Variants in FHIT observed in about 807,000 individuals in gnomAD.
FHIT encodes fragile histidine triad diadenosine triphosphatase.
In FHIT, 19 loss-of-function variants were observed where a neutral mutation model predicts 17.9. That is an observed-to-expected ratio of 1.06 (90% CI 0.74 to 1.56). The LOEUF (loss-of-function observed/expected upper bound fraction) is 1.56, where lower values mean the gene tolerates loss of function less well. FHIT is among the 40% of genes most tolerant of loss of function. FHIT has a pLI of 0.00. For synonymous variants in FHIT, 81 were observed against 69.7 expected (o/e 1.16, Z -0.81); for missense variants, 248 against 189.2 (o/e 1.31, Z -1.82).
intron 5 of FHIT, among the ~76,000 whole-genome samples, chr3:60,027,481 C>T (rs1368639935): frequency 6.6e-6 from 1 of 152,112 alleles, no homozygotes; most frequent in Non-Finnish European, 1.5e-5. Context: ...TCACCATTGT[C>T]ACTGTCTTTA....
chr3:61,033,324 T>A (rs186769668), intron 3 of FHIT, among the ~76,000 whole-genome samples: 26 of 152,262 alleles, frequency 1.7e-4, no homozygotes, highest in African/African-American at 6.3e-4. Flanking sequence ...TACTGTCCAA[T>A]ATAGTAGCCA....
chr3:60,584,301 C>A (rs1353421066), intron 4 of FHIT, among the ~76,000 whole-genome samples: 1 of 151,840 alleles, frequency 6.6e-6, no homozygotes, highest in Non-Finnish European at 1.5e-5. Context: ...CTTTTTTTCC[C>A]CTCTGAGAGC....
chr3:61,249,014 T>C (rs1334349991), intron 1 of FHIT, among the ~76,000 whole-genome samples: 1 of 152,196 alleles, frequency 6.6e-6, no homozygotes, highest in East Asian at 1.9e-4. Flanking sequence ...GATGACCATA[T>C]AAAGAAGCTC....
chr3:59,844,437 T>C (rs1701642704), intron 8 of FHIT, among the ~76,000 whole-genome samples: 2 of 152,098 alleles, frequency 1.3e-5, no homozygotes, highest in Admixed American at 1.3e-4. Flanking sequence ...GTTTTTTATA[T>C]GTGGCTCTTA....
intron 5 of FHIT, among the ~76,000 whole-genome samples, chr3:60,287,837 C>A (rs1231236422): frequency 6.6e-6 from 1 of 152,080 alleles, no homozygotes; most frequent in Non-Finnish European, 1.5e-5. Flanking sequence ...TCCCATCCAG[C>A]CTCTTTCATT....
intron 5 of FHIT, among the ~76,000 whole-genome samples, chr3:60,195,401 T>C (rs1011997080): frequency 6.6e-6 from 1 of 151,626 alleles, no homozygotes; most frequent in African/African-American, 2.4e-5. Context: ...GCGATCCCAA[T>C]ACTGGGTTTC....
At chr3:60,395,341 C>T (rs537919635) in intron 5 of FHIT, among the ~76,000 whole-genome samples, 2 of 152,220 alleles carry the variant, frequency 1.3e-5, no homozygotes, top group South Asian at 2.1e-4. Context: ...TGATTATCTC[C>T]CCATTTTATA....
intron 5 of FHIT, among the ~76,000 whole-genome samples, chr3:60,442,847 T>A (rs1175089115): frequency 6.6e-6 from 1 of 152,148 alleles, no homozygotes; most frequent in Non-Finnish European, 1.5e-5. Flanking sequence ...GCATTGAATC[T>A]GTAAATTACC....
chr3:60,246,355 C>G (rs1459402049), intron 5 of FHIT, among the ~76,000 whole-genome samples: 4 of 151,920 alleles, frequency 2.6e-5, no homozygotes, highest in African/African-American at 9.7e-5. Context: ...ATTAAAATGG[C>G]AGAAGAGAAA....
Position 60,246,265 on chromosome 3 carries a change from T to C in FHIT, c.104-232113A>G, listed in dbSNP as rs540310239. On this transcript the variant is annotated intron_variant, in intron 5 of 9. Transcript: ENST00000492590. ...AAAAAGTCTACCTCCAGCAAATATA[T>C]ATAGAGAGTTATCTTTGAAGGAGGA... Among the ~76,000 whole-genome samples the C allele has an allele frequency of 5.9e-5, 9 of 152,194 alleles. No individual in the cohort carries two copies. In the East Asian group the frequency reaches 1.2e-3, roughly 20 times the overall value.
chr3:61,015,807 T>C (rs1212438587), intron 3 of FHIT, among the ~76,000 whole-genome samples: 2 of 152,184 alleles, frequency 1.3e-5, no homozygotes, highest in Non-Finnish European at 1.5e-5. Flanking sequence ...TTTACTTTTT[T>C]ACTTGAGGGT....
At chr3:60,561,777 C>G (rs1028714264) in intron 4 of FHIT, among the ~76,000 whole-genome samples, 1 of 152,108 alleles carries the variant, frequency 6.6e-6, no homozygotes, top group African/African-American at 2.4e-5. Context: ...ATGGTACAGG[C>G]TTTGGCAGCC....
intron 4 of FHIT, among the ~76,000 whole-genome samples, chr3:60,730,848 G>A (rs1364730451): frequency 6.6e-6 from 1 of 152,126 alleles, no homozygotes; most frequent in Non-Finnish European, 1.5e-5. Flanking sequence ...CAAGTGCAGT[G>A]GCTCACGCCT....
intron 5 of FHIT, among the ~76,000 whole-genome samples, chr3:60,165,116 T>A (rs1253065980): frequency 6.6e-6 from 1 of 151,740 alleles, no homozygotes; most frequent in Non-Finnish European, 1.5e-5. Flanking sequence ...CAAAAGGAAG[T>A]GATGAGGATG....
At chr3:60,746,598 T>A (rs2042361856) in intron 4 of FHIT, among the ~76,000 whole-genome samples, 1 of 150,380 alleles carries the variant, frequency 6.6e-6, no homozygotes, top group African/African-American at 2.5e-5. Flanking sequence ...GAAGAGAGAG[T>A]AAGAAGGGAG....
intron 4 of FHIT, among the ~76,000 whole-genome samples, chr3:60,591,843 A>AGTAC (rs1275230472): frequency 1.3e-5 from 2 of 152,010 alleles, no homozygotes; most frequent in African/African-American, 4.8e-5. Flanking sequence ...TCTACCTTAC[A>AGTAC]GTACACACTT....
At chr3:60,254,072 C>T (rs549034063) in intron 5 of FHIT, among the ~76,000 whole-genome samples, 10 of 152,306 alleles carry the variant, frequency 6.6e-5, no homozygotes, top group African/African-American at 2.4e-4. Context: ...CTCTTTTACA[C>T]ACACAGACAC....
intron 5 of FHIT, among the ~76,000 whole-genome samples, chr3:60,346,335 A>T (rs1245440412): frequency 6.6e-6 from 1 of 152,358 alleles, no homozygotes; most frequent in Non-Finnish European, 1.5e-5. Flanking sequence ...ATCTGAAGTC[A>T]CAAGCCTATA....
intron 5 of FHIT, among the ~76,000 whole-genome samples, chr3:60,319,879 G>A (rs2106798889): frequency 6.6e-6 from 1 of 152,236 alleles, no homozygotes; most frequent in Admixed American, 6.5e-5. Context: ...TCATGGGAAG[G>A]GGTAGGGTAG....
Sources: allele counts gnomAD v4.1 joint callset (sites outside exome capture counted in the v4.1 genomes callset), GRCh38; gene constraint gnomAD v4.1.1; transcripts MANE v1.5; gene names NCBI Gene and HGNC (gene_info 2026-07-23, HGNC 2026-07-21).